Variants in EYS observed in about 807,000 individuals in gnomAD.
EYS encodes the protein protein eyes shut homolog.
EYS carries 250 observed loss-of-function variants against 282.1 expected under a neutral mutation model. The ratio of observed to expected loss-of-function variants is 0.89; its 90% CI spans 0.80 to 0.98. The LOEUF (loss-of-function observed/expected upper bound fraction) is 0.98, where lower values mean the gene tolerates loss of function less well. Ranked by LOEUF, EYS falls within the 50% of genes least tolerant of loss-of-function variation. The pLI is 0.00. For synonymous variants in EYS, 1,355 were observed against 1,282.9 expected, an observed-to-expected ratio of 1.06 and a Z score of -1.20; for missense variants, 4,016 against 3,709.0, an observed-to-expected ratio of 1.08 and a Z score of -2.15.
chr6:63,869,593 G>A (rs1206482427), intron 35 of EYS, among the ~76,000 whole-genome samples: 4 of 152,140 alleles, frequency 2.6e-5, no homozygotes, highest in African/African-American at 7.2e-5. Context: ...GCCCAAAAGG[G>A]GAGCTAACAT....
chr6:65,637,017 C>G (rs1562302036), intron 2 of EYS, among the ~76,000 whole-genome samples: 4 of 152,222 alleles, frequency 2.6e-5, no homozygotes, highest in Admixed American at 6.5e-5. Flanking sequence ...TGGCATCCCC[C>G]TATGTTGTGC....
intron 15 of EYS, among the ~76,000 whole-genome samples, chr6:64,927,401 T>C (rs1768552115): frequency 1.3e-5 from 2 of 152,120 alleles, no homozygotes; most frequent in Admixed American, 1.3e-4. Flanking sequence ...CAATACGAAA[T>C]CTTACTTACC....
intron 13 of EYS, among the ~76,000 whole-genome samples, chr6:65,051,540 A>G (rs1167419696): frequency 6.6e-6 from 1 of 151,638 alleles, no homozygotes; most frequent in East Asian, 1.9e-4. Context: ...CCTCACACAC[A>G]TTTTGAGGTG....
At chr6:63,760,674 A>ATCTATCTATCTG (rs1470730196) in intron 41 of EYS, among the ~76,000 whole-genome samples, 21 of 149,802 alleles carry the variant, frequency 1.4e-4, no homozygotes, top group African/African-American at 5.0e-4. Flanking sequence ...CTATCTATCT[A>ATCTATCTATCTG]TCTATCTATC....
At chr6:65,183,735 A>G (rs2150235169) in intron 12 of EYS, among the ~76,000 whole-genome samples, 1 of 152,000 alleles carries the variant, frequency 6.6e-6, no homozygotes, top group African/African-American at 2.4e-5. Context: ...TTCTCTTGAA[A>G]CAAATGTGTC....
intron 12 of EYS, among the ~76,000 whole-genome samples, chr6:65,262,872 A>G (rs2150259311): frequency 6.6e-6 from 1 of 152,252 alleles, no homozygotes; most frequent in Non-Finnish European, 1.5e-5. Flanking sequence ...GTAACTGTCC[A>G]TCATATAGAT....
chr6:65,037,553 G>GT (rs1772806974), intron 13 of EYS, among the ~76,000 whole-genome samples: 1 of 151,620 alleles, frequency 6.6e-6, no homozygotes, highest in African/African-American at 2.4e-5. Context: ...TTTTCTTAGT[G>GT]TTTTTTCTTT....
intron 26 of EYS, among the ~76,000 whole-genome samples, chr6:64,458,654 G>GAAATATATTCAA (rs1775639876): frequency 6.6e-6 from 1 of 151,368 alleles, no homozygotes; most frequent in African/African-American, 2.4e-5. Context: ...TCTTTCAATA[G>GAAATATATTCAA]TCTTATTTGG....
At chr6:65,042,414 T>C (rs567957832) in intron 13 of EYS, among the ~76,000 whole-genome samples, 24 of 151,696 alleles carry the variant, frequency 1.6e-4, no homozygotes, top group Middle Eastern at 6.8e-3. Context: ...ATTTGGCCTA[T>C]TGTTTTTTGT....
intron 22 of EYS, among the ~76,000 whole-genome samples, chr6:64,635,699 T>G (rs1042019548): frequency 6.6e-6 from 1 of 152,208 alleles, no homozygotes; most frequent in African/African-American, 2.4e-5. Flanking sequence ...GGATAAGTGT[T>G]TTGATGTGCT....
At chr6:64,917,405 A>G (rs1410473122) in intron 15 of EYS, among the ~76,000 whole-genome samples, 1 of 152,212 alleles carries the variant, frequency 6.6e-6, no homozygotes, top group Non-Finnish European at 1.5e-5. Flanking sequence ...TATATTTTGT[A>G]TATTAAGGCA....
At chr6:64,428,883 T>G (rs1774495747) in intron 28 of EYS, among the ~76,000 whole-genome samples, 1 of 152,180 alleles carries the variant, frequency 6.6e-6, no homozygotes, top group African/African-American at 2.4e-5. Flanking sequence ...ATAAAATGCC[T>G]GGGTACAATA....
chr6:65,586,359 A>T (rs1490154123), intron 2 of EYS, among the ~76,000 whole-genome samples: 3 of 152,094 alleles, frequency 2.0e-5, no homozygotes, highest in African/African-American at 7.2e-5. Context: ...TAAAATTGAA[A>T]TTTAGGTAAT....
At chr6:63,929,577 G>A (rs1764825063) in intron 35 of EYS, among the ~76,000 whole-genome samples, 1 of 152,156 alleles carries the variant, frequency 6.6e-6, no homozygotes, top group Non-Finnish European at 1.5e-5. Flanking sequence ...TAAAACTACA[G>A]ACTGCACTTG....
At chr6:65,170,227 C>T (rs902584822) in intron 12 of EYS, among the ~76,000 whole-genome samples, 2 of 150,808 alleles carry the variant, frequency 1.3e-5, no homozygotes, top group African/African-American at 2.4e-5. Context: ...CGCGCGTGCA[C>T]GCACACACAC....
intron 35 of EYS, among the ~76,000 whole-genome samples, chr6:63,878,972 C>T (rs1773055640): frequency 6.6e-6 from 1 of 152,168 alleles, no homozygotes; most frequent in South Asian, 2.1e-4. Context: ...ACCCAGTGTG[C>T]AACAAGCCCT....
intron 2 of EYS, among the ~76,000 whole-genome samples, chr6:65,606,575 C>T (rs1765803054): frequency 1.3e-5 from 2 of 151,662 alleles, no homozygotes; most frequent in African/African-American, 2.4e-5. Context: ...CAATGACAAT[C>T]GTAATTAATT....
chr6:63,875,314 GA>G (rs1169790006), intron 35 of EYS, among the ~76,000 whole-genome samples: 1 of 152,198 alleles, frequency 6.6e-6, no homozygotes, highest in Non-Finnish European at 1.5e-5. Context: ...GCATCCCAGG[GA>G]TGAAGCCAAC....
chr6:63,845,008 C>G (rs150344439), intron 36 of EYS, among the ~76,000 whole-genome samples: 295 of 152,128 alleles, frequency 1.9e-3, no homozygotes, highest in Middle Eastern at 6.8e-3. Flanking sequence ...ACATTTAAGT[C>G]TTTAATGTAT....
Sources: allele counts gnomAD v4.1 joint callset (sites outside exome capture counted in the v4.1 genomes callset), GRCh38; gene constraint gnomAD v4.1.1; transcripts MANE v1.5; gene names NCBI Gene and HGNC (gene_info 2026-07-23, HGNC 2026-07-21).